SCP2: variants seen among roughly 807,000 people sequenced by gnomAD.
SCP2 encodes the protein sterol carrier protein 2.
Under a neutral mutation model 71.4 loss-of-function variants are expected in SCP2, and 48 were observed. That is an observed-to-expected ratio of 0.67 (90% CI 0.53 to 0.86). The LOEUF (loss-of-function observed/expected upper bound fraction) is 0.86, where lower values mean the gene tolerates loss of function less well. Ranked by LOEUF, SCP2 falls within the 40% of genes least tolerant of loss-of-function variation. SCP2 has a pLI of 0.00. For synonymous variants in SCP2, 220 were observed against 218.1 expected, an observed-to-expected ratio of 1.01 and a Z score of -0.08; for missense variants, 560 against 655.6, an observed-to-expected ratio of 0.85 and a Z score of 1.59.
At chr1:52,954,630 T>G (rs1655629077) in intron 4 of SCP2, 110 bp from the exon 5 acceptor site, 1 of 910,694 alleles carries the variant, frequency 1.1e-6, no homozygotes. Context: ...GACTATAAGT[T>G]CGAGCCATTG....
At chr1:53,035,039 A>C (rs1384850380) in intron 13 of SCP2, among the ~76,000 whole-genome samples, 1 of 151,928 alleles carries the variant, frequency 6.6e-6, no homozygotes, top group Admixed American at 6.6e-5. Context: ...TGGGAGGCGG[A>C]GCTTGCAGTA....
chr1:52,960,510 G>GTATATATA lies in SCP2; in HGVS notation c.397-992_397-991insATATATAT, dbSNP rs1557561893. 9.0e-3 allele frequency among the ~76,000 whole-genome samples: 1,301 copies of GTATATATA among 144,930 alleles called. 19 individuals carry two copies. The highest frequency in any genetic ancestry group is 0.032 in the African/African-American group (1,220 of 38,392). On this transcript the variant is annotated intron_variant, in intron 5 of 15. Transcript: ENST00000371514. Reference sequence around the variant, plus strand: ...TGTGTGTGTGTGTGTGTGTGTGTGTGTGTGTGTGTATATGTGTGTATATAT... The same window carrying GTATATATA: ...TGTGTGTGTGTGTGTGTGTGTGTGTGTATATATATGTGTGTGTATATGTGTGTATATAT...
At chr1:53,004,754 C>G (rs1660519114) in intron 11 of SCP2, among the ~76,000 whole-genome samples, 2 of 152,134 alleles carry the variant, frequency 1.3e-5, no homozygotes, top group Admixed American at 1.3e-4. Flanking sequence ...ACTGAGGTAC[C>G]AGGTTCATCT....
intron 15 of SCP2, 156 bp from the exon 16 acceptor site, chr1:53,050,453 G>T (rs772217163): frequency 1.2e-5 from 7 of 598,056 alleles, no homozygotes; most frequent in Non-Finnish European, 2.1e-5. Context: ...TTTGAAGAAT[G>T]TGGTTCCAAA....
At chr1:52,996,942 A>G (rs908146726) in intron 11 of SCP2, among the ~76,000 whole-genome samples, 4 of 151,990 alleles carry the variant, frequency 2.6e-5, no homozygotes, top group East Asian at 1.9e-4. Context: ...GTTTTGTTCT[A>G]TCCTACACTA....
At chr1:53,000,168 CT>C (rs1660221276) in intron 11 of SCP2, among the ~76,000 whole-genome samples, 1 of 148,380 alleles carries the variant, frequency 6.7e-6, no homozygotes, top group Non-Finnish European at 1.5e-5. Flanking sequence ...AATCCCAGCA[CT>C]TTGTGAGGCC....
intron 1 of SCP2, among the ~76,000 whole-genome samples, chr1:52,936,409 A>G (rs1653746592): frequency 6.6e-6 from 1 of 152,228 alleles, no homozygotes. Context: ...ACAATCAGAT[A>G]TATGCTTCCT....
chr1:52,929,000 G>A (rs1652852762), intron 1 of SCP2, among the ~76,000 whole-genome samples: 1 of 152,132 alleles, frequency 6.6e-6, no homozygotes, highest in African/African-American at 2.4e-5. Context: ...GGAAATAGAT[G>A]TATTCCTTTT....
At chr1:52,954,872 C>T in intron 5 of SCP2, 68 bp downstream of exon 5, 8 of 1,045,736 alleles carry the variant, frequency 7.7e-6, no homozygotes, top group Non-Finnish European at 1.2e-5. Context: ...GTGATACTTA[C>T]ATGTATGCAT....
intron 8 of SCP2, among the ~76,000 whole-genome samples, chr1:52,977,870 G>T (rs941425222): frequency 6.6e-6 from 1 of 151,834 alleles, no homozygotes; most frequent in Non-Finnish European, 1.5e-5. Context: ...TGAGGCAGAA[G>T]AATCACTTGA....
At chr1:53,020,285 A>G (rs1661629799) in intron 12 of SCP2, among the ~76,000 whole-genome samples, 1 of 152,178 alleles carries the variant, frequency 6.6e-6, no homozygotes, top group South Asian at 2.1e-4. Flanking sequence ...CCTTATTTAG[A>G]AAATACTGAA....
rs114721234 is a variant in SCP2, at chr1:52,953,152, C to T, written c.332-1588C>T. ...TCATTTTTAGGGGCCCCCCTCTCTC[C>T]AAAAATAATTCTTTTGAGATTTTCA... On this transcript the variant is annotated intron_variant, in intron 4 of 15. Coordinates refer to ENST00000371514, the MANE Select transcript of SCP2 (RefSeq NM_002979.5). 2.9e-3 allele frequency among the ~76,000 whole-genome samples: 431 copies of T among 150,462 alleles called. 5 individuals are homozygous for T. The highest frequency in any genetic ancestry group is 9.9e-3 in the African/African-American group (405 of 40,926).
chr1:53,048,051 T>G (rs766758742), intron 15 of SCP2, 114 bp downstream of exon 15: 1 of 762,900 alleles, frequency 1.3e-6, no homozygotes, highest in Non-Finnish European at 2.4e-6. Context: ...AAACTCAGTG[T>G]TCCCCAAACA....
Position 53,036,036 on chromosome 1 carries a change from A to AAG in SCP2, c.1339-2880_1339-2879insGA, listed in dbSNP as rs1553154979. Among the ~76,000 whole-genome samples, 131 of 147,858 alleles carry AAG rather than the reference A, an allele frequency of 8.9e-4. 3 individuals are homozygous for AAG. The highest frequency in any genetic ancestry group is 2.8e-3 in the African/African-American group (111 of 39,216). On this transcript the variant is annotated intron_variant, in intron 13 of 15. Transcript: ENST00000371514. ...CTCCGTCTCAAAAAAAAAAAAAAAA[A>AAG]AAAAGAAAACTGAGATTCAGAAAGT...
chr1:53,005,786 T>G (rs1466227349), intron 11 of SCP2, among the ~76,000 whole-genome samples: 1 of 152,170 alleles, frequency 6.6e-6, no homozygotes, highest in African/African-American at 2.4e-5. Flanking sequence ...TTTGATGAGT[T>G]GAGAGAAGAA....
intron 12 of SCP2, among the ~76,000 whole-genome samples, chr1:53,026,389 C>G (rs1194861932): frequency 6.6e-6 from 1 of 152,154 alleles, no homozygotes; most frequent in East Asian, 1.9e-4. Flanking sequence ...GTGTTTACTT[C>G]TTTTTCTCCT....
In SCP2 at chr1:53,037,926, ACACAG is replaced by A. The variant is rs1557627770; in HGVS notation, c.1339-990_1339-986del. ...CACACACACACACACACACACACAC[ACACAG>A]ATCCAGATCCTGTCTCTATACACAC... is the stretch of plus-strand genomic sequence containing the variant. On this transcript the variant is annotated intron_variant, in intron 13 of 15. Coordinates refer to ENST00000371514, the MANE Select transcript of SCP2 (RefSeq NM_002979.5). Among the ~76,000 whole-genome samples the A allele has an allele frequency of 5.4e-5, 7 of 129,670 alleles. No homozygotes were observed. In the South Asian group the frequency reaches 8.2e-4, roughly 15 times the overall value. The allele number at this position is 129,670 out of a possible 152,430, so 85.1% of individuals were successfully genotyped here.
chr1:52,975,903 G>A (rs1657921837), intron 7 of SCP2, among the ~76,000 whole-genome samples: 1 of 152,160 alleles, frequency 6.6e-6, no homozygotes, highest in Non-Finnish European at 1.5e-5. Flanking sequence ...TTAGCTGCAA[G>A]TGGGATGCCC....
At chr1:53,045,939 A>G (rs940505256) in intron 14 of SCP2, among the ~76,000 whole-genome samples, 3 of 145,196 alleles carry the variant, frequency 2.1e-5, no homozygotes, top group Non-Finnish European at 4.4e-5. Context: ...TACACATGAA[A>G]TGATACAGTA....
Sources: gnomAD v4.1 joint callset for allele counts (sites outside exome capture counted in the v4.1 genomes callset) on GRCh38, gnomAD v4.1.1 for gene constraint, MANE v1.5 for transcripts, NCBI Gene and HGNC (gene_info 2026-07-23, HGNC 2026-07-21) for gene names.